The following LIPI variants were observed in gnomAD, a reference collection of about 807,000 sequenced individuals.
The protein encoded by LIPI is lipase I.
Under a neutral mutation model 50.6 loss-of-function variants are expected in LIPI, and 59 were observed. That is an observed-to-expected ratio of 1.16 (90% confidence interval 0.94 to 1.45). The LOEUF (loss-of-function observed/expected upper bound fraction) is 1.45, where lower values mean the gene tolerates loss of function less well. Ranked by LOEUF, LIPI falls within the 40% of genes most tolerant of loss-of-function variation. The pLI, the probability that LIPI is intolerant of heterozygous loss-of-function variation, is 0.00. For missense variants in LIPI, 586 were observed against 536.3 expected, an observed-to-expected ratio of 1.09 and a Z score of -0.92; for synonymous variants, 203 against 178.2, an observed-to-expected ratio of 1.14 and a Z score of -1.11.
At chr21:14,193,536 C>A (rs1307640641) in intron 1 of LIPI, among the ~76,000 whole-genome samples, 2 of 151,938 alleles carry the variant, frequency 1.3e-5, no homozygotes, top group African/African-American at 4.8e-5. Flanking sequence ...TAGGCTGAAA[C>A]TTAAAGAATG....
chr21:14,203,879 A>T (rs2020148838), intron 1 of LIPI, among the ~76,000 whole-genome samples: 1 of 137,846 alleles, frequency 7.3e-6, no homozygotes, highest in African/African-American at 2.7e-5. Context: ...AATGTGGTAC[A>T]TATACACCAT....
At chr21:14,169,666 G>A (rs1315813468) in intron 4 of LIPI, among the ~76,000 whole-genome samples, 1 of 152,188 alleles carries the variant, frequency 6.6e-6, no homozygotes, top group African/African-American at 2.4e-5. Flanking sequence ...TGAAACCAAT[G>A]AGAACAAAGA....
intron 7 of LIPI, 137 bp from the exon 8 acceptor site, chr21:14,152,821 T>C (rs995284505): frequency 1.3e-5 from 7 of 545,398 alleles, no homozygotes; most frequent in Non-Finnish European, 2.3e-5. Flanking sequence ...AATAATATTA[T>C]TGAGAGGACT....
At chr21:14,143,951 A>G (rs895984033) in intron 9 of LIPI, 3 of 165,994 alleles carry the variant, frequency 1.8e-5, no homozygotes, top group Non-Finnish European at 4.1e-5. Context: ...ATTGTGTTAC[A>G]TTTTAATAGG....
intron 9 of LIPI, among the ~76,000 whole-genome samples, chr21:14,122,662 T>G (rs2016908724): frequency 6.6e-6 from 1 of 152,092 alleles, no homozygotes; most frequent in Non-Finnish European, 1.5e-5. Context: ...AGCCAACACC[T>G]ATATACAGGG....
chr21:14,144,600 A>G (rs997630302), intron 9 of LIPI, 23 bp downstream of exon 9: 1 of 1,307,258 alleles, frequency 7.6e-7, no homozygotes. Context: ...TAACATGTTG[A>G]AATCAAAATT....
intron 4 of LIPI, among the ~76,000 whole-genome samples, chr21:14,167,413 A>T (rs1038955002): frequency 6.6e-6 from 1 of 152,180 alleles, no homozygotes; most frequent in Non-Finnish European, 1.5e-5. Flanking sequence ...CTGTCTCCTC[A>T]AGTGGGTCCC....
chr21:14,194,781 C>T (rs1048057394), intron 1 of LIPI, among the ~76,000 whole-genome samples: 3 of 152,092 alleles, frequency 2.0e-5, no homozygotes, highest in Admixed American at 2.0e-4. Context: ...ATGCCACTAA[C>T]CTATAAACTT....
intron 1 of LIPI, among the ~76,000 whole-genome samples, chr21:14,202,842 T>C (rs2020104562): frequency 6.6e-6 from 1 of 151,094 alleles, no homozygotes; most frequent in Non-Finnish European, 1.5e-5. Context: ...TGGGATCTAA[T>C]TAAACTAAAG....
intron 4 of LIPI, among the ~76,000 whole-genome samples, chr21:14,168,566 T>C (rs2018776956): frequency 6.6e-6 from 1 of 152,162 alleles, no homozygotes; most frequent in Admixed American, 6.5e-5. Flanking sequence ...TATTCAACAT[T>C]CTGAAAGGAA....
chr21:14,147,812 G>A (rs535393608), intron 8 of LIPI, among the ~76,000 whole-genome samples: 117 of 151,918 alleles, frequency 7.7e-4, no homozygotes, highest in African/African-American at 2.7e-3. Flanking sequence ...CACACAACAT[G>A]TCTATTCTAA....
rs760966046 is a variant in LIPI, at chr21:14,166,382, C to G, written c.713G>C (p.Cys238Ser). The G allele has an allele frequency of 1.0e-5, 16 of 1,596,466 alleles. No homozygotes were observed. Among genetic ancestry groups the G allele is most frequent in the Middle Eastern group, 1.7e-4 (1 of 6,046 alleles). ...YPNGGNKQPG[C>S]PKSIFSGIQF... is the part of the protein sequence containing the mutation. The stretch of plus-strand genomic sequence containing the variant: ...TATACCTGAGAAAATTGATTTAGGA[C>G]AGCCAGGTTGTTTATTTCCTCCATT... Residue 238 changes from cysteine to serine, a missense_variant, in exon 5 of 10, where the codon TGT becomes TCT. Physicochemically the swap from Cys to Ser is moderately radical, Grantham distance 112. Coordinates refer to ENST00000681601, the MANE Select transcript of LIPI (RefSeq NM_001302998.2).
chr21:14,206,813 A>T (rs369620164), intron 1 of LIPI: 5 of 1,543,260 alleles, frequency 3.2e-6, no homozygotes, highest in Non-Finnish European at 4.5e-6. Flanking sequence ...AAAAGAGATT[A>T]CCTGATCTCA....
rs148012906 is a variant in LIPI at position 14,136,104 on chromosome 21, A to G, written c.1295+8519T>C. Among the ~76,000 whole-genome samples, 1,265 of 152,236 alleles carry G rather than the reference A, an allele frequency of 8.3e-3. 22 individuals carry two copies. The highest frequency in any genetic ancestry group is 0.028 in the African/African-American group (1,170 of 41,532). ...CCCACTGCCTTTGAGGAAAGAACCC[A>G]GTCCTGACAGCATTCATCACCTGCT... On this transcript the variant is annotated intron_variant, in intron 9 of 9. Transcript: ENST00000681601.
At position 14,133,970 on chromosome 21, in the gene LIPI, G is replaced by T. The variant is rs201094570; in HGVS notation, c.1295+10653C>A. On this transcript the variant is annotated intron_variant, in intron 9 of 9. Transcript: ENST00000681601. ...GCACAGTGGCTTGCCACTGTGGGAGGCTGTGAGCTCCTTGGGAGGCTGAAG... is the reference window on the plus strand; with the variant it reads ...GCACAGTGGCTTGCCACTGTGGGAGTCTGTGAGCTCCTTGGGAGGCTGAAG... Among the ~76,000 whole-genome samples the T allele has an allele frequency of 9.2e-5, 14 of 152,168 alleles. No individual in the cohort carries two copies. In the East Asian group the frequency reaches 2.3e-3, roughly 25 times the overall value.
chr21:14,207,570 C>A (rs2020259602), intron 1 of LIPI, among the ~76,000 whole-genome samples: 1 of 151,928 alleles, frequency 6.6e-6, no homozygotes, highest in Non-Finnish European at 1.5e-5. Context: ...CAGGAATTCC[C>A]AAGAATGATC....
At chr21:14,162,307 C>CG (rs534653689) in intron 7 of LIPI, among the ~76,000 whole-genome samples, 1 of 150,990 alleles carries the variant, frequency 6.6e-6, no homozygotes, top group Admixed American at 6.6e-5. Flanking sequence ...GAATGGATAC[C>CG]GGGGGGATGG....
At chr21:14,193,849 C>A (rs1291565636) in intron 1 of LIPI, among the ~76,000 whole-genome samples, 1 of 151,844 alleles carries the variant, frequency 6.6e-6, no homozygotes, top group Non-Finnish European at 1.5e-5. Context: ...AAAAGGCAAC[C>A]CACTGAATGT....
chr21:14,196,837 C>T (rs1050262225), intron 1 of LIPI, among the ~76,000 whole-genome samples: 2 of 151,774 alleles, frequency 1.3e-5, no homozygotes, highest in Admixed American at 1.3e-4. Flanking sequence ...ACAACAACAA[C>T]AAAAAATAAT....
Sources: gnomAD v4.1 joint callset for allele counts (sites outside exome capture counted in the v4.1 genomes callset) on GRCh38, gnomAD v4.1.1 for gene constraint, MANE v1.5 for transcripts, NCBI Gene and HGNC (gene_info 2026-07-23, HGNC 2026-07-21) for gene names.